The following FIBCD1 variants were observed in gnomAD, a reference collection of about 807,000 sequenced individuals.
FIBCD1 encodes the protein fibrinogen C domain containing 1, also known as fibrinogen C domain-containing protein 1.
A neutral mutation model predicts 45.1 loss-of-function variants in FIBCD1; 47 were observed. That is an observed-to-expected ratio of 1.04 (90% CI 0.82 to 1.33). FIBCD1 has a LOEUF of 1.33. Among genes scored for constraint, FIBCD1 ranks in the 40% most tolerant of loss-of-function variants. The pLI is 0.00. For synonymous variants in FIBCD1, 313 were observed against 308.1 expected (o/e 1.02, Z -0.17); for missense variants, 653 against 682.2 (o/e 0.96, Z 0.48).
intron 4 of FIBCD1, among the ~76,000 whole-genome samples, chr9:130,912,392 CAAAA>C (rs61490832): frequency 0.17 from 12,869 of 75,212 alleles, 853 homozygotes; most frequent in East Asian, 0.39. Context: ...GGCTCTCTCT[CAAAA>C]AAAAAAAAAA....
At chr9:130,923,997 A>G in intron 3 of FIBCD1, 117 bp from the exon 4 acceptor site, 1 of 1,503,538 alleles carries the variant, frequency 6.7e-7, no homozygotes, top group Non-Finnish European at 9.0e-7. Flanking sequence ...TTGAGAGAGC[A>G]CTGGCCTTGG....
intron 2 of FIBCD1, 56 bp downstream of exon 2, chr9:130,929,511 A>G: frequency 6.7e-7 from 1 of 1,482,172 alleles, no homozygotes; most frequent in Non-Finnish European, 8.9e-7. Context: ...ACATGGCAGC[A>G]GCAGCACCAA....
chr9:130,917,491 A>T (rs1480263260), intron 4 of FIBCD1, among the ~76,000 whole-genome samples: 1 of 152,156 alleles, frequency 6.6e-6, no homozygotes, highest in Non-Finnish European at 1.5e-5. Context: ...AGGAAGGAAG[A>T]CAGCAGCAGC....
chr9:130,936,259 G>C (rs570234817), intron 1 of FIBCD1: 2 of 152,388 alleles, frequency 1.3e-5, no homozygotes, highest in South Asian at 2.1e-4. Context: ...GGCCACAAGG[G>C]AGGAGAGAAG....
intron 4 of FIBCD1, among the ~76,000 whole-genome samples, chr9:130,918,060 C>T (rs192777264): frequency 1.8e-4 from 28 of 152,322 alleles, no homozygotes; most frequent in Non-Finnish European, 3.5e-4. Context: ...AGAGACGACG[C>T]ACAAGCCAGC....
At chr9:130,928,269 T>A (rs1388926857) in intron 2 of FIBCD1, among the ~76,000 whole-genome samples, 2 of 152,172 alleles carry the variant, frequency 1.3e-5, no homozygotes, top group African/African-American at 4.8e-5. Flanking sequence ...CGCAGGCTAT[T>A]GGGAGGGCAG....
At chr9:130,934,503 T>G (rs1832489803) in intron 1 of FIBCD1, among the ~76,000 whole-genome samples, 1 of 152,128 alleles carries the variant, frequency 6.6e-6, no homozygotes, top group Non-Finnish European at 1.5e-5. Context: ...CCCACAGAGC[T>G]CCCAGCCTCT....
chr9:130,904,464 G>A (rs1480379989), intron 6 of FIBCD1, 141 bp from the exon 7 acceptor site: 3 of 1,232,708 alleles, frequency 2.4e-6, no homozygotes, highest in Non-Finnish European at 3.3e-6. Flanking sequence ...CACACATACT[G>A]CTGTGCACGC....
intron 4 of FIBCD1, among the ~76,000 whole-genome samples, chr9:130,917,487 G>A (rs940852717): frequency 6.6e-6 from 1 of 152,202 alleles, no homozygotes; most frequent in Non-Finnish European, 1.5e-5. Context: ...GCGGAGGAAG[G>A]AAGACAGCAG....
At chr9:130,916,961 G>C (rs1219288900) in intron 4 of FIBCD1, among the ~76,000 whole-genome samples, 1 of 152,198 alleles carries the variant, frequency 6.6e-6, no homozygotes, top group African/African-American at 2.4e-5. Context: ...AGCTGGGTGT[G>C]GTGGCAGGCG....
At chr9:130,920,612 C>A (rs1832245433) in intron 4 of FIBCD1, among the ~76,000 whole-genome samples, 1 of 152,122 alleles carries the variant, frequency 6.6e-6, no homozygotes. Flanking sequence ...GGACTCCTGA[C>A]ACGGAAGGGC....
intron 4 of FIBCD1, among the ~76,000 whole-genome samples, chr9:130,916,119 C>T (rs911857777): frequency 5.3e-5 from 8 of 152,104 alleles, no homozygotes; most frequent in East Asian, 1.9e-4. Flanking sequence ...TTAGTAGAGA[C>T]GGGCTTTCAC....
At chr9:130,905,122 C>A (rs1225474622) in intron 6 of FIBCD1, 112 bp downstream of exon 6, 2 of 1,099,560 alleles carry the variant, frequency 1.8e-6, no homozygotes, top group Non-Finnish European at 2.5e-6. Flanking sequence ...TGATTACTTT[C>A]AAAGGGGGAA....
chr9:130,934,802 C>G (rs1832494760), intron 1 of FIBCD1, among the ~76,000 whole-genome samples: 1 of 152,234 alleles, frequency 6.6e-6, no homozygotes, highest in Admixed American at 6.5e-5. Flanking sequence ...CCCTCCCTCA[C>G]CCAACATCTG....
In FIBCD1 at chr9:130,929,972, A is replaced by T. The variant is rs1278089621; in HGVS notation, c.147T>A (p.Gly49=). 1.3e-6 allele frequency: 2 copies of T among 1,548,012 alleles called. No individual in the cohort carries two copies. Among genetic ancestry groups the T allele is most frequent in the East Asian group, 2.4e-5 (1 of 41,352 alleles). ...GGGCGTGGTTCAGGAAGAGCACGGCACCGGTGACAGCTACAGCCAGCAGCA... is the reference window on the plus strand; with the variant it reads ...GGGCGTGGTTCAGGAAGAGCACGGCTCCGGTGACAGCTACAGCCAGCAGCA... ...LAVLLAVAVT[G]AVLFLNHAHA... The change falls in exon 2 of 7, where the codon GGT becomes GGA. Residue 49 remains glycine (G), a synonymous_variant. Transcript: ENST00000372338.
At chr9:130,923,617 G>T in intron 4 of FIBCD1, 127 bp downstream of exon 4, 1 of 1,400,684 alleles carries the variant, frequency 7.1e-7, no homozygotes, top group Non-Finnish European at 9.6e-7. Flanking sequence ...GGGCACCAGG[G>T]CAGGGCCAGT....
intron 1 of FIBCD1, among the ~76,000 whole-genome samples, chr9:130,932,997 T>C (rs1022295985): frequency 2.6e-5 from 4 of 151,834 alleles, no homozygotes; most frequent in African/African-American, 9.7e-5. Flanking sequence ...GTCATCCGTC[T>C]CCCCTCTGCA....
chr9:130,920,908 C>G (rs1832249787), intron 4 of FIBCD1, among the ~76,000 whole-genome samples: 1 of 152,234 alleles, frequency 6.6e-6, no homozygotes, highest in African/African-American at 2.4e-5. Flanking sequence ...CTCCCTGACC[C>G]CGGCTTGCTT....
At chr9:130,904,542 C>T (rs1473380975) in intron 6 of FIBCD1, among the ~76,000 whole-genome samples, 26 of 152,176 alleles carry the variant, frequency 1.7e-4, no homozygotes, top group Non-Finnish European at 1.5e-5. Context: ...AGTCCCTTCT[C>T]GGGCGTGCCT....
Sources: allele counts gnomAD v4.1 joint callset (sites outside exome capture counted in the v4.1 genomes callset), GRCh38; gene constraint gnomAD v4.1.1; transcripts MANE v1.5; gene names NCBI Gene and HGNC (gene_info 2026-07-23, HGNC 2026-07-21).